AOAH: variants seen among roughly 807,000 people sequenced by gnomAD.
The protein encoded by AOAH is acyloxyacyl hydrolase (neutrophil).
A neutral mutation model predicts 92.2 loss-of-function variants in AOAH; 64 were observed. The ratio of observed to expected loss-of-function variants is 0.69; its 90% CI spans 0.57 to 0.86. The LOEUF (loss-of-function observed/expected upper bound fraction) is 0.86. AOAH is among the 40% of genes least tolerant of loss of function. AOAH has a pLI of 0.00. For missense variants in AOAH, 656 were observed against 694.6 expected, an observed-to-expected ratio of 0.94 and a Z score of 0.62; for synonymous variants, 263 against 254.5, an observed-to-expected ratio of 1.03 and a Z score of -0.32.
At chr7:36,640,857 C>A (rs548538447) in intron 4 of AOAH, among the ~76,000 whole-genome samples, 1 of 152,300 alleles carries the variant, frequency 6.6e-6, no homozygotes, top group Admixed American at 6.5e-5. Context: ...CGACTTGAAG[C>A]CGCTGCAATG....
chr7:36,669,939 G>A (rs1362336054), intron 3 of AOAH, among the ~76,000 whole-genome samples: 1 of 152,160 alleles, frequency 6.6e-6, no homozygotes, highest in Non-Finnish European at 1.5e-5. Flanking sequence ...GAGCAATGGC[G>A]GTCTGAGACA....
intron 12 of AOAH, among the ~76,000 whole-genome samples, chr7:36,587,650 A>T (rs1789438367): frequency 6.6e-6 from 1 of 152,196 alleles, no homozygotes; most frequent in African/African-American, 2.4e-5. Flanking sequence ...CATTTTTGTT[A>T]ATATTGCTAC....
intron 2 of AOAH, among the ~76,000 whole-genome samples, chr7:36,675,874 A>T (rs1796223922): frequency 2.0e-5 from 3 of 152,152 alleles, no homozygotes; most frequent in Admixed American, 1.3e-4. Flanking sequence ...TATCAACAAC[A>T]TAAAAAAAAC....
At chr7:36,627,409 C>A (rs1351658269) in intron 6 of AOAH, among the ~76,000 whole-genome samples, 2 of 152,162 alleles carry the variant, frequency 1.3e-5, no homozygotes, top group Non-Finnish European at 2.9e-5. Context: ...ATTAGATTCT[C>A]TGGGTTTGAA....
At chr7:36,677,406 A>G (rs1488528293) in intron 2 of AOAH, among the ~76,000 whole-genome samples, 1 of 152,242 alleles carries the variant, frequency 6.6e-6, no homozygotes, top group East Asian at 1.9e-4. Context: ...CATGTCCACT[A>G]TAATGTGCTA....
chr7:36,631,997 A>C, intron 6 of AOAH, 39 bp downstream of exon 6: 1 of 1,502,044 alleles, frequency 6.7e-7, no homozygotes, highest in Non-Finnish European at 9.2e-7. Flanking sequence ...AGACGTTATT[A>C]CATGCTAGTG....
intron 12 of AOAH, among the ~76,000 whole-genome samples, chr7:36,590,509 C>T (rs906796661): frequency 9.9e-5 from 15 of 152,138 alleles, no homozygotes; most frequent in Non-Finnish European, 2.1e-4. Context: ...AATGCATGCA[C>T]ATAATTTCAA....
chr7:36,524,384 C>T (rs773453294), intron 19 of AOAH, among the ~76,000 whole-genome samples: 17 of 151,932 alleles, frequency 1.1e-4, no homozygotes, highest in African/African-American at 3.4e-4. Context: ...CGGTGGCTCA[C>T]ACCTGTAATC....
At chr7:36,699,372 G>T (rs868708583) in intron 1 of AOAH, among the ~76,000 whole-genome samples, 4 of 152,044 alleles carry the variant, frequency 2.6e-5, no homozygotes, top group Middle Eastern at 3.4e-3. Context: ...GTTTTTTGAG[G>T]AACTTCCCTA....
chr7:36,668,471 A>T (rs1460501170), intron 3 of AOAH, among the ~76,000 whole-genome samples: 1 of 152,038 alleles, frequency 6.6e-6, no homozygotes, highest in Non-Finnish European at 1.5e-5. Context: ...TTGCCCAATA[A>T]TCTTACTTCT....
chr7:36,660,504 A>G (rs995212400), intron 3 of AOAH, among the ~76,000 whole-genome samples: 7 of 152,006 alleles, frequency 4.6e-5, no homozygotes, highest in Non-Finnish European at 8.8e-5. Context: ...TTTAGTAGAG[A>G]TAGGGTTTCA....
chr7:36,521,337 T>C (rs1273776728), intron 20 of AOAH, among the ~76,000 whole-genome samples: 1 of 152,210 alleles, frequency 6.6e-6, no homozygotes, highest in Non-Finnish European at 1.5e-5. Flanking sequence ...CACTTCTTTT[T>C]CTTCTTCTTC....
At chr7:36,587,271 C>CAAAAAAAAAAAA (rs57475443) in intron 12 of AOAH, among the ~76,000 whole-genome samples, 20 of 84,882 alleles carry the variant, frequency 2.4e-4, no homozygotes, top group South Asian at 4.0e-4. Context: ...GACTCCGTCT[C>CAAAAAAAAAAAA]AAAAAAAAAA....
chr7:36,588,930 ACTCATTTAT>A (rs1343113742), intron 12 of AOAH, among the ~76,000 whole-genome samples: 1 of 152,082 alleles, frequency 6.6e-6, no homozygotes, highest in Non-Finnish European at 1.5e-5. Flanking sequence ...TCTGGTTTGC[ACTCATTTAT>A]GCTGACTACA....
chr7:36,586,547 C>G (rs1449017726), intron 12 of AOAH, among the ~76,000 whole-genome samples: 1 of 152,182 alleles, frequency 6.6e-6, no homozygotes, highest in African/African-American at 2.4e-5. Context: ...CTGCCCAGAT[C>G]TCTAAATGTC....
At chr7:36,703,627 G>T (rs1254295874) in intron 1 of AOAH, among the ~76,000 whole-genome samples, 1 of 152,024 alleles carries the variant, frequency 6.6e-6, no homozygotes, top group African/African-American at 2.4e-5. Context: ...TCTCACTTAT[G>T]AGTGAGAACA....
chr7:36,577,024 C>CTT (rs565396541), intron 12 of AOAH, among the ~76,000 whole-genome samples: 26 of 131,426 alleles, frequency 2.0e-4, no homozygotes, highest in South Asian at 7.4e-4. Flanking sequence ...TGTTGCCTTT[C>CTT]TTTTTTTTTT....
At position 36,607,891 on chromosome 7, in the gene AOAH, C is replaced by T. The variant is rs376031568; in HGVS notation, c.846+8489G>A. 3.0e-4 allele frequency among the ~76,000 whole-genome samples: 45 copies of T among 152,298 alleles called. 1 individual carries two copies. The East Asian group carries it at 5.6e-3, about 19-fold the overall frequency. ...TTCTATAATGAGGGCTGTTGTGGGGCTCTTGAGAGGCACTGTGGGGAACAG... is the reference window on the plus strand; with the variant it reads ...TTCTATAATGAGGGCTGTTGTGGGGTTCTTGAGAGGCACTGTGGGGAACAG... On this transcript the variant is annotated intron_variant, in intron 11 of 20. Transcript: ENST00000617537.
At chr7:36,637,789 CG>C in intron 5 of AOAH, 61 bp downstream of exon 5, 1 of 1,491,786 alleles carries the variant, frequency 6.7e-7, no homozygotes, top group Non-Finnish European at 9.3e-7. Flanking sequence ...ATGTGAAAGC[CG>C]GGGCCAGTGA....
Sources: gnomAD v4.1 joint callset for allele counts (sites outside exome capture counted in the v4.1 genomes callset) on GRCh38, gnomAD v4.1.1 for gene constraint, MANE v1.5 for transcripts, NCBI Gene and HGNC (gene_info 2026-07-23, HGNC 2026-07-21) for gene names.